Variants in CXADR observed in about 807,000 individuals in gnomAD.
CXADR encodes CXADR cell adhesion molecule.
In CXADR, 20 loss-of-function variants were observed where a neutral mutation model predicts 40.3. That is an observed-to-expected ratio of 0.50 (90% CI 0.35 to 0.72). CXADR has a LOEUF of 0.72. CXADR is among the 30% of genes least tolerant of loss of function. The pLI is 0.01. For missense variants in CXADR, 332 were observed against 449.1 expected, an observed-to-expected ratio of 0.74 and a Z score of 2.36; for synonymous variants, 150 against 161.3, an observed-to-expected ratio of 0.93 and a Z score of 0.53.
chr21:17,540,307 G>A (rs879453366), intron 1 of CXADR, among the ~76,000 whole-genome samples: 12 of 151,990 alleles, frequency 7.9e-5, no homozygotes, highest in East Asian at 1.9e-4. Context: ...TTACTCTACC[G>A]CCGTCCCCCA....
the CXADR span, chr21:17,612,285 C>T: frequency 6.6e-6 from 1 of 152,088 alleles, no homozygotes; most frequent in East Asian, 2.0e-4. Context: ...GCCCTGGGTT[C>T]GAGGACCCGG....
chr21:17,550,589 T>C (rs557418711), intron 2 of CXADR, among the ~76,000 whole-genome samples: 7 of 152,318 alleles, frequency 4.6e-5, no homozygotes, highest in African/African-American at 1.7e-4. Flanking sequence ...TTATTTGAGT[T>C]TTGGCATCAC....
the CXADR span, among the ~76,000 whole-genome samples, chr21:17,605,374 T>C: frequency 6.6e-6 from 1 of 152,204 alleles, no homozygotes; most frequent in Admixed American, 6.5e-5. Flanking sequence ...ACAAAAGGCC[T>C]CATCTAATGT....
chr21:17,636,132 G>C, the CXADR span, among the ~76,000 whole-genome samples: 1 of 152,094 alleles, frequency 6.6e-6, no homozygotes, highest in Non-Finnish European at 1.5e-5. Context: ...TTTTGATATT[G>C]ACTTTGTACC....
chr21:17,594,035 G>A (rs889062284), downstream of CXADR: 2 of 1,571,816 alleles, frequency 1.3e-6, no homozygotes, highest in Non-Finnish European at 1.7e-6. Flanking sequence ...CTTTTAATGT[G>A]TAGTAAGGTT....
intron 1 of CXADR, among the ~76,000 whole-genome samples, chr21:17,516,654 G>A (rs1217313460): frequency 1.3e-5 from 2 of 152,186 alleles, no homozygotes; most frequent in South Asian, 2.1e-4. Context: ...GTTGCCTTAC[G>A]TGTCAAGAAT....
At chr21:17,618,433 A>G in the CXADR span, among the ~76,000 whole-genome samples, 14 of 152,208 alleles carry the variant, frequency 9.2e-5, no homozygotes, top group Non-Finnish European at 1.8e-4. Flanking sequence ...TGGCATCTAC[A>G]ATAGTAAATC....
chr21:17,528,582 T>A (rs1343531361), intron 1 of CXADR, among the ~76,000 whole-genome samples: 1 of 151,074 alleles, frequency 6.6e-6, no homozygotes, highest in East Asian at 2.0e-4. Flanking sequence ...ATTTTTTGTA[T>A]TTTTTAGTAG....
intron 1 of CXADR, chr21:17,527,023 A>T: frequency 6.6e-6 from 1 of 152,218 alleles, no homozygotes; most frequent in East Asian, 1.9e-4. Context: ...CTTACCCATA[A>T]TGCAAAATAC....
intron 1 of CXADR, among the ~76,000 whole-genome samples, chr21:17,534,028 AGC>A (rs1367126064): frequency 9.2e-4 from 83 of 90,120 alleles, no homozygotes; most frequent in African/African-American, 3.7e-3. Flanking sequence ...ATATATATAT[AGC>A]TATATATATA....
chr21:17,631,006 G>A, the CXADR span, among the ~76,000 whole-genome samples: 3 of 152,092 alleles, frequency 2.0e-5, no homozygotes, highest in African/African-American at 7.2e-5. Context: ...CAACTCCCTG[G>A]CTTCCTTGTA....
rs2123337964 is a variant in CXADR, at chr21:17,567,355, A to G, written c.*1663A>G. On this transcript the variant is annotated 3_prime_UTR_variant, in exon 7 of 7. Transcript: ENST00000284878. ...ACATATTTGGAAGCATTTTAAAAAC[A>G]GGTTTTAACCTTATGTAAAATTACT... 3 of 985,122 alleles carry G rather than the reference A, an allele frequency of 3.0e-6. No homozygotes were observed. The highest frequency in any genetic ancestry group is 5.2e-4 in the Middle Eastern group (1 of 1,914). 61.0% of individuals were successfully genotyped at this position (985,122 alleles called of 1,614,324 possible). A position where few individuals can be genotyped will look rare whatever the true frequency, so the allele number is the denominator to read the frequency against.
intron 1 of CXADR, among the ~76,000 whole-genome samples, chr21:17,540,310 G>A (rs930807961): frequency 6.4e-4 from 97 of 152,094 alleles, no homozygotes; most frequent in African/African-American, 1.5e-3. Context: ...CTCTACCGCC[G>A]TCCCCCAAAA....
rs115129039 is a variant in CXADR at position 17,536,013 on chromosome 21, T to A, written c.44-11014T>A. 6.7e-3 allele frequency among the ~76,000 whole-genome samples: 1,019 copies of A among 152,234 alleles called. 13 individuals are homozygous for A. Among genetic ancestry groups the A allele is most frequent in the African/African-American group, 0.023 (976 of 41,542 alleles). On this transcript the variant is annotated intron_variant, in intron 1 of 6. Coordinates refer to ENST00000284878, the MANE Select transcript of CXADR (RefSeq NM_001338.5). ...ACAGAGCCAGACTCTGCCTCCAAAA[T>A]AAAGAAAACTCCTGTTTTTATTTGT...
the CXADR span, chr21:17,608,786 A>T: frequency 3.8e-6 from 2 of 528,026 alleles, no homozygotes; most frequent in Non-Finnish European, 6.2e-6. Flanking sequence ...AGGCAGTGGG[A>T]CTCCACCACT....
rs1025966696 is a variant in CXADR, at chr21:17,558,993, A to C, written c.433A>C (p.Arg145=). 1.2e-6 allele frequency: 2 copies of C among 1,611,890 alleles called. No individual in the cohort carries two copies. The highest frequency in any genetic ancestry group is 1.3e-5 in the African/African-American group (1 of 74,868). Residue 145 remains arginine (R), a synonymous_variant, in exon 4 of 7, where the codon AGA becomes CGA. Transcript: ENST00000284878. ...LVVLVKPSGA[R]CYVDGSEEIG... is the part of the protein sequence containing the mutation. ...TCTTTCAGTTAAGCCTTCAGGTGCG[A>C]GATGTTACGTTGATGGATCTGAAGA...
chr21:17,618,959 AG>A, the CXADR span, among the ~76,000 whole-genome samples: 1 of 152,232 alleles, frequency 6.6e-6, no homozygotes, highest in Non-Finnish European at 1.5e-5. Context: ...TATCCATCAG[AG>A]CTCTTGGGTG....
At chr21:17,534,107 T>A (rs1257882739) in intron 1 of CXADR, among the ~76,000 whole-genome samples, 155 of 73,604 alleles carry the variant, frequency 2.1e-3, no homozygotes, top group Middle Eastern at 6.7e-3. Flanking sequence ...TATATTTTTT[T>A]TTTTTTTTTT....
At chr21:17,526,298 A>ATTTTT (rs909009068) in intron 1 of CXADR, among the ~76,000 whole-genome samples, 1 of 149,122 alleles carries the variant, frequency 6.7e-6, no homozygotes, top group African/African-American at 2.5e-5. Flanking sequence ...TAAAATCGTT[A>ATTTTT]TTTTTTTTTT....
Sources: gnomAD v4.1 joint callset for allele counts (sites outside exome capture counted in the v4.1 genomes callset) on GRCh38, gnomAD v4.1.1 for gene constraint, MANE v1.5 for transcripts, NCBI Gene and HGNC (gene_info 2026-07-23, HGNC 2026-07-21) for gene names.